The following EXOC2 variants were observed in gnomAD, a reference collection of about 807,000 sequenced individuals.
The protein encoded by EXOC2 is exocyst complex component 2, also known as SEC5-like 1.
In EXOC2, 70 loss-of-function variants were observed where a neutral mutation model predicts 131.8. The observed-to-expected ratio is 0.53, with a 90% CI of 0.44 to 0.65. The LOEUF (loss-of-function observed/expected upper bound fraction) is 0.65, where lower values mean the gene tolerates loss of function less well. Ranked by LOEUF, EXOC2 falls within the 30% of genes least tolerant of loss-of-function variation. The pLI, the probability that EXOC2 is intolerant of heterozygous loss-of-function variation, is 0.00. For synonymous variants in EXOC2, 411 were observed against 398.4 expected, an observed-to-expected ratio of 1.03 and a Z score of -0.38; for missense variants, 923 against 1,108.6, an observed-to-expected ratio of 0.83 and a Z score of 2.38.
chr6:634,305 G>T (rs1017142855), intron 2 of EXOC2, among the ~76,000 whole-genome samples: 3 of 151,970 alleles, frequency 2.0e-5, no homozygotes, highest in African/African-American at 7.3e-5. Flanking sequence ...GGCTGGTCTC[G>T]AACTCCTGGC....
chr6:656,788 T>C (rs1344070402), intron 1 of EXOC2: 1 of 1,602,742 alleles, frequency 6.2e-7, no homozygotes, highest in Non-Finnish European at 8.5e-7. Flanking sequence ...CACCACAGCC[T>C]GGCCTCGTGG....
rs371282646 is a variant in EXOC2, at chr6:492,851, C to A, written c.2560-1665G>T. On this transcript the variant is annotated intron_variant, in intron 25 of 27. Coordinates refer to ENST00000230449, the MANE Select transcript of EXOC2 (RefSeq NM_018303.6). Reference sequence around the variant, plus strand: ...ATGACTGGACAGCTCTTTGAATATACCAAAAATCATTGAATTGCATATTCT... The same window carrying A: ...ATGACTGGACAGCTCTTTGAATATAACAAAAATCATTGAATTGCATATTCT... 2.6e-4 allele frequency among the ~76,000 whole-genome samples: 40 copies of A among 152,224 alleles called. No individual in the cohort carries two copies. In the East Asian group the frequency reaches 6.9e-3, roughly 26 times the overall value.
At chr6:496,696 A>C (rs1763762845) in intron 25 of EXOC2, among the ~76,000 whole-genome samples, 1 of 152,178 alleles carries the variant, frequency 6.6e-6, no homozygotes, top group Non-Finnish European at 1.5e-5. Context: ...TGGTGTCTTC[A>C]GGGATTTTTT....
At chr6:658,747 T>C (rs890677297) in intron 1 of EXOC2, among the ~76,000 whole-genome samples, 1 of 150,068 alleles carries the variant, frequency 6.7e-6, no homozygotes, top group South Asian at 2.1e-4. Context: ...CTGCGACCTC[T>C]ACCTCTCAGG....
At chr6:501,056 CTATA>C (rs1283957740) in intron 23 of EXOC2, among the ~76,000 whole-genome samples, 1 of 130,116 alleles carries the variant, frequency 7.7e-6, no homozygotes, top group Non-Finnish European at 1.6e-5. Context: ...ATATACATAT[CTATA>C]TATATCTATA....
At chr6:603,177 C>T (rs1760197261) in intron 7 of EXOC2, among the ~76,000 whole-genome samples, 1 of 152,134 alleles carries the variant, frequency 6.6e-6, no homozygotes, top group African/African-American at 2.4e-5. Flanking sequence ...CGCCCCCTCA[C>T]CTGCTACCCC....
chr6:648,129 G>GT (rs886830707), intron 1 of EXOC2, among the ~76,000 whole-genome samples: 4 of 152,326 alleles, frequency 2.6e-5, no homozygotes, highest in Non-Finnish European at 5.9e-5. Flanking sequence ...TCACACTGCA[G>GT]TATCCGTAGC....
At chr6:556,084 A>G (rs2127574994) in intron 18 of EXOC2, 71 bp from the exon 19 acceptor site, 2 of 1,409,630 alleles carry the variant, frequency 1.4e-6, no homozygotes, top group Middle Eastern at 1.8e-4. Flanking sequence ...GAAGTTAGAT[A>G]TGAACAGTTA....
intron 1 of EXOC2, chr6:656,505 G>C: frequency 1.2e-6 from 2 of 1,605,892 alleles, no homozygotes; most frequent in Non-Finnish European, 1.7e-6. Flanking sequence ...CAGGCTGGGC[G>C]GCAGGCAGTC....
At chr6:692,063 T>C (rs138602775) in intron 1 of EXOC2, among the ~76,000 whole-genome samples, 7 of 152,370 alleles carry the variant, frequency 4.6e-5, no homozygotes, top group African/African-American at 4.8e-5. Flanking sequence ...AACATTATTA[T>C]GCATTAGAAG....
chr6:597,961 A>G, intron 10 of EXOC2, 60 bp downstream of exon 10: 1 of 1,227,898 alleles, frequency 8.1e-7, no homozygotes. Context: ...AAGGGTTACA[A>G]GATGCATACA....
chr6:597,208 T>G (rs973412386), intron 10 of EXOC2, among the ~76,000 whole-genome samples: 1 of 152,112 alleles, frequency 6.6e-6, no homozygotes, highest in African/African-American at 2.4e-5. Context: ...AGAGTCTCAC[T>G]CTGTTGCCCA....
chr6:579,168 C>T (rs1275953372), intron 11 of EXOC2, among the ~76,000 whole-genome samples: 1 of 152,048 alleles, frequency 6.6e-6, no homozygotes, highest in Non-Finnish European at 1.5e-5. Flanking sequence ...ATATACCATT[C>T]CTGCAAAAAT....
chr6:494,025 G>A (rs539825767), intron 25 of EXOC2, among the ~76,000 whole-genome samples: 6 of 152,294 alleles, frequency 3.9e-5, no homozygotes, highest in South Asian at 2.1e-4. Context: ...TAGCGACTGC[G>A]ACTGCCTGTT....
In EXOC2 at chr6:666,692, T is replaced by C. The variant is rs1302684477; in HGVS notation, c.-44+26327A>G. On this transcript the variant is annotated intron_variant, in intron 1 of 27. Transcript: ENST00000230449. The stretch of plus-strand genomic sequence containing the variant: ...TACAACTGAGGAGCCAATACTGATA[T>C]ACTATTAAGTAAGTTCCATAGTTTA... 2.1e-5 allele frequency among the ~76,000 whole-genome samples: 2 copies of C among 96,772 alleles called. 1 individual carries two copies. Among genetic ancestry groups the C allele is most frequent in the African/African-American group, 6.1e-5 (2 of 32,660 alleles). 63.5% of individuals were successfully genotyped at this position (96,772 alleles called of 152,430 possible). A position where few individuals can be genotyped will look rare whatever the true frequency, so the allele number is the denominator to read the frequency against.
At chr6:504,113 C>T (rs984858422) in intron 23 of EXOC2, among the ~76,000 whole-genome samples, 5 of 152,204 alleles carry the variant, frequency 3.3e-5, no homozygotes, top group African/African-American at 7.2e-5. Flanking sequence ...GCAGTAGCCA[C>T]GTGCTTTCCC....
intron 23 of EXOC2, chr6:525,278 T>G (rs1765681778): frequency 6.6e-6 from 1 of 152,236 alleles, no homozygotes; most frequent in Non-Finnish European, 1.5e-5. Context: ...TGTAAGATAG[T>G]GCTACTACTA....
intron 1 of EXOC2, among the ~76,000 whole-genome samples, chr6:647,736 A>G (rs531191117): frequency 6.7e-6 from 1 of 149,948 alleles, no homozygotes; most frequent in East Asian, 2.0e-4. Context: ...AAACTAGGAC[A>G]GGGCAATTCC....
intron 6 of EXOC2, among the ~76,000 whole-genome samples, chr6:611,567 G>A (rs976388259): frequency 3.9e-5 from 6 of 152,134 alleles, no homozygotes; most frequent in African/African-American, 1.4e-4. Context: ...AACTTCCTCC[G>A]CCCATCTCCA....
Sources: gnomAD v4.1 joint callset for allele counts (sites outside exome capture counted in the v4.1 genomes callset) on GRCh38, gnomAD v4.1.1 for gene constraint, MANE v1.5 for transcripts, NCBI Gene and HGNC (gene_info 2026-07-23, HGNC 2026-07-21) for gene names.